Variants in PCCA observed in about 807,000 individuals in gnomAD.
PCCA encodes the protein propionyl-CoA carboxylase alpha chain, mitochondrial.
PCCA carries 74 observed loss-of-function variants against 101.3 expected under a neutral mutation model. That is an observed-to-expected ratio of 0.73 (90% CI 0.61 to 0.89). PCCA has a LOEUF of 0.89. Ranked by LOEUF, PCCA falls within the 40% of genes least tolerant of loss-of-function variation. The probability of loss-of-function intolerance (pLI) is 0.00; values close to 1 mark genes in which losing one functional copy is unlikely to be tolerated. For missense variants in PCCA, 891 were observed against 907.0 expected, an observed-to-expected ratio of 0.98 and a Z score of 0.23; for synonymous variants, 294 against 313.6, an observed-to-expected ratio of 0.94 and a Z score of 0.66.
chr13:100,517,046 C>CAT (rs1491478540), intron 22 of PCCA, among the ~76,000 whole-genome samples: 1 of 132,988 alleles, frequency 7.5e-6, no homozygotes, highest in African/African-American at 2.9e-5. Context: ...ATTATAAAAT[C>CAT]GTGTGTGTGT....
intron 1 of PCCA, 64 bp from the exon 2 acceptor site, chr13:100,102,819 C>T (rs1374162023): frequency 1.9e-6 from 2 of 1,071,164 alleles, no homozygotes; most frequent in Non-Finnish European, 2.9e-6. Flanking sequence ...GAAGAAATAT[C>T]CTGAAAAAAT....
intron 7 of PCCA, among the ~76,000 whole-genome samples, chr13:100,233,125 G>C (rs1023496319): frequency 6.6e-6 from 1 of 152,154 alleles, no homozygotes; most frequent in African/African-American, 2.4e-5. Flanking sequence ...GGGTATATCT[G>C]TAGGATGACT....
chr13:100,494,422 G>A (rs1458280339), intron 21 of PCCA, among the ~76,000 whole-genome samples: 2 of 152,068 alleles, frequency 1.3e-5, no homozygotes, highest in East Asian at 1.9e-4. Flanking sequence ...GGTGGCTCAC[G>A]CCTGTAATCC....
intron 2 of PCCA, among the ~76,000 whole-genome samples, chr13:100,105,431 T>C (rs913249437): frequency 1.3e-4 from 20 of 152,200 alleles, no homozygotes; most frequent in African/African-American, 4.6e-4. Flanking sequence ...TAACTAACAT[T>C]TGTTGAAGAG....
rs3825507 is a variant in PCCA, at chr13:100,209,535, T to C, written c.600+72T>C. 3.4e-5 allele frequency: 45 copies of C among 1,316,142 alleles called. 1 individual carries two copies. In the East Asian group the frequency reaches 9.5e-4, roughly 28 times the overall value. 81.5% of individuals were successfully genotyped at this position (1,316,142 alleles called of 1,614,324 possible). Reference sequence around the variant, plus strand: ...ATTTTGTCAAAAGTATAAGATAAAATGTAACTATTGCTTTTTTGGGATATA... The same window carrying C: ...ATTTTGTCAAAAGTATAAGATAAAACGTAACTATTGCTTTTTTGGGATATA... On this transcript the variant is annotated intron_variant, in intron 7 of 23. Coordinates refer to ENST00000376285, the MANE Select transcript of PCCA (RefSeq NM_000282.4).
intron 1 of PCCA, among the ~76,000 whole-genome samples, chr13:100,101,062 CA>C (rs2047235167): frequency 6.6e-6 from 1 of 152,118 alleles, no homozygotes; most frequent in Non-Finnish European, 1.5e-5. Flanking sequence ...CTCAGCCTCC[CA>C]AAGTGTTGGG....
In PCCA at chr13:100,309,911, A is replaced by G; in HGVS notation, c.1429+3A>G. 6.2e-7 allele frequency: 1 copy of G among 1,605,524 alleles called. No individual in the cohort carries two copies. Among genetic ancestry groups the G allele is most frequent in the Non-Finnish European group, 8.5e-7 (1 of 1,172,144 alleles). On this transcript the variant is annotated splice_donor_region_variant and intron_variant, in intron 16 of 23. Transcript: ENST00000376285. ...ACTGGATAACTATGTTATTCGAGGT[A>G]AAAACAAAGATTTGCACTCGTTGGT...
chr13:100,292,919 A>G (rs1032868399), intron 12 of PCCA, among the ~76,000 whole-genome samples: 2 of 125,426 alleles, frequency 1.6e-5, no homozygotes, highest in African/African-American at 5.8e-5. Flanking sequence ...GACCCTGAAT[A>G]CACCTTTCCA....
At chr13:100,507,857 T>A (rs2152993224) in intron 21 of PCCA, among the ~76,000 whole-genome samples, 1 of 152,236 alleles carries the variant, frequency 6.6e-6, no homozygotes, top group East Asian at 1.9e-4. Flanking sequence ...GGGGTTTCAC[T>A]ATGTAGGCCA....
chr13:100,252,172 T>C lies in PCCA; in HGVS notation c.638-5423T>C, dbSNP rs375154801. Among the ~76,000 whole-genome samples the C allele has an allele frequency of 2.0e-5, 3 of 152,346 alleles. No individual in the cohort carries two copies. In the East Asian group the frequency reaches 5.8e-4, roughly 29 times the overall value. ...GGGTGTCTTTTCTCTTCTGAGGTCCTATTACCCATATCAGGGCCTATTCTA... is the reference window on the plus strand; with the variant it reads ...GGGTGTCTTTTCTCTTCTGAGGTCCCATTACCCATATCAGGGCCTATTCTA... On this transcript the variant is annotated intron_variant, in intron 8 of 23. Transcript: ENST00000376285.
intron 6 of PCCA, among the ~76,000 whole-genome samples, chr13:100,168,094 A>G (rs2055241531): frequency 6.6e-6 from 1 of 152,076 alleles, no homozygotes; most frequent in Admixed American, 6.6e-5. Flanking sequence ...TTGAACACAT[A>G]TGCCACCTTA....
intron 15 of PCCA, 61 bp downstream of exon 15, chr13:100,307,321 G>A (rs1035668145): frequency 1.4e-5 from 15 of 1,099,274 alleles, no homozygotes; most frequent in South Asian, 6.4e-5. Flanking sequence ...TATTTAAAGA[G>A]TCTGAAACTG....
intron 12 of PCCA, among the ~76,000 whole-genome samples, chr13:100,283,478 G>A (rs1356370771): frequency 1.3e-5 from 2 of 152,142 alleles, no homozygotes; most frequent in South Asian, 2.1e-4. Flanking sequence ...TGCCTTCCTC[G>A]AGCGGCTACG....
intron 19 of PCCA, among the ~76,000 whole-genome samples, chr13:100,418,986 A>AAG (rs1048743618): frequency 3.3e-5 from 5 of 151,378 alleles, no homozygotes; most frequent in African/African-American, 1.2e-4. Flanking sequence ...AAAGAAGCTT[A>AAG]GCTCTTTCTC....
At chr13:100,509,217 C>T (rs556105928) in intron 21 of PCCA, among the ~76,000 whole-genome samples, 2 of 152,222 alleles carry the variant, frequency 1.3e-5, no homozygotes, top group South Asian at 2.1e-4. Context: ...GTTACCGTGA[C>T]GCTGAGAACT....
At chr13:100,503,916 T>G (rs1302255067) in intron 21 of PCCA, among the ~76,000 whole-genome samples, 1 of 152,182 alleles carries the variant, frequency 6.6e-6, no homozygotes, top group Non-Finnish European at 1.5e-5. Flanking sequence ...TAATAAGCAG[T>G]CTTCAGTGTT....
chr13:100,198,751 G>A (rs1566687006), intron 6 of PCCA, among the ~76,000 whole-genome samples: 1 of 151,874 alleles, frequency 6.6e-6, no homozygotes, highest in African/African-American at 2.4e-5. Context: ...TGCCCGCCTC[G>A]GCCTCCCAAA....
intron 2 of PCCA, among the ~76,000 whole-genome samples, chr13:100,108,643 A>G (rs140143616): frequency 2.0e-5 from 3 of 152,320 alleles, no homozygotes; most frequent in Non-Finnish European, 4.4e-5. Context: ...TTATTAGAGC[A>G]TTTAACACAA....
In PCCA at chr13:100,270,818, G is replaced by A. The variant is rs1176905798; in HGVS notation, c.914+2035G>A. ...GAGCCTAAGAGTTTGAGACCAGCCTGGACAACGTAGTGGGACCTCATCTTC... is the reference window on the plus strand; with the variant it reads ...GAGCCTAAGAGTTTGAGACCAGCCTAGACAACGTAGTGGGACCTCATCTTC... On this transcript the variant is annotated intron_variant, in intron 11 of 23. Coordinates refer to ENST00000376285, the MANE Select transcript of PCCA (RefSeq NM_000282.4). Among the ~76,000 whole-genome samples, 3 of 152,100 alleles carry A rather than the reference G, an allele frequency of 2.0e-5. No homozygotes were observed. In the South Asian group the frequency reaches 6.2e-4, roughly 32 times the overall value.
Sources: gnomAD v4.1 joint callset for allele counts (sites outside exome capture counted in the v4.1 genomes callset) on GRCh38, gnomAD v4.1.1 for gene constraint, MANE v1.5 for transcripts, NCBI Gene and HGNC (gene_info 2026-07-23, HGNC 2026-07-21) for gene names.